STAT5B: variants seen among roughly 807,000 people sequenced by gnomAD.
STAT5B encodes signal transducer and activator of transcription 5B.
A neutral mutation model predicts 107.8 loss-of-function variants in STAT5B; 21 were observed. The observed-to-expected ratio is 0.19, with a 90% CI of 0.14 to 0.28. The LOEUF (loss-of-function observed/expected upper bound fraction) is 0.28, where lower values mean the gene tolerates loss of function less well. Among genes scored for constraint, STAT5B ranks in the 10% least tolerant of loss-of-function variants. The pLI is 1.00. For missense variants in STAT5B, 565 were observed against 1,008.2 expected, an observed-to-expected ratio of 0.56 and a Z score of 5.95; for synonymous variants, 325 against 401.7, an observed-to-expected ratio of 0.81 and a Z score of 2.28.
At chr17:42,251,870 G>C (rs551646647) in intron 1 of STAT5B, among the ~76,000 whole-genome samples, 1 of 151,658 alleles carries the variant, frequency 6.6e-6, no homozygotes, top group Admixed American at 6.6e-5. Context: ...GTGGTGATGC[G>C]TGCCTGTAAT....
intron 2 of STAT5B, among the ~76,000 whole-genome samples, chr17:42,229,173 G>A (rs758721306): frequency 2.0e-5 from 3 of 152,052 alleles, no homozygotes; most frequent in Non-Finnish European, 4.4e-5. Flanking sequence ...TCTTTGAGAC[G>A]AAGTCTCACT....
chr17:42,259,894 G>A (rs1011261653), intron 1 of STAT5B, among the ~76,000 whole-genome samples: 3 of 152,146 alleles, frequency 2.0e-5, no homozygotes, highest in Admixed American at 2.0e-4. Flanking sequence ...GGATACATGT[G>A]CAGGATGTGC....
At chr17:42,204,581 A>G (rs893003874) in intron 16 of STAT5B, among the ~76,000 whole-genome samples, 4 of 152,238 alleles carry the variant, frequency 2.6e-5, no homozygotes, top group African/African-American at 9.6e-5. Flanking sequence ...TAGATTGGCT[A>G]AGAAGTTAAA....
intron 1 of STAT5B, among the ~76,000 whole-genome samples, chr17:42,262,896 GTATA>G (rs571521187): frequency 8.9e-6 from 1 of 111,816 alleles, no homozygotes; most frequent in African/African-American, 3.5e-5. Context: ...ATATATGTGT[GTATA>G]TATATGTGTA....
At chr17:42,229,466 A>G (rs1348036061) in intron 2 of STAT5B, among the ~76,000 whole-genome samples, 1 of 151,986 alleles carries the variant, frequency 6.6e-6, no homozygotes, top group Admixed American at 6.6e-5. Context: ...CCACTCTTAA[A>G]AGGATCCAGT....
intron 2 of STAT5B, among the ~76,000 whole-genome samples, chr17:42,229,864 CA>C (rs879809112): frequency 9.8e-4 from 128 of 131,222 alleles, no homozygotes; most frequent in Non-Finnish European, 9.6e-4. Context: ...GACTCCATCT[CA>C]AAAAAAAAAA....
intron 13 of STAT5B, among the ~76,000 whole-genome samples, chr17:42,211,332 A>T (rs2080127345): frequency 6.6e-6 from 1 of 151,362 alleles, no homozygotes; most frequent in African/African-American, 2.4e-5. Context: ...ACATGGAGAA[A>T]CCCCGTCTCC....
At position 42,227,911 on chromosome 17, in the gene STAT5B, A is replaced by AT. The variant is rs567767490; in HGVS notation, c.129-227_129-226insA. ...TAGATTTCCTTCTTTTAAAAAAAAA[A>AT]ATTTTTAACAATGTGCTGCCCTTCT... On this transcript the variant is annotated intron_variant, in intron 2 of 18. Coordinates refer to ENST00000293328, the MANE Select transcript of STAT5B (RefSeq NM_012448.4). Among the ~76,000 whole-genome samples the AT allele has an allele frequency of 2.1e-3, 313 of 152,274 alleles. 2 individuals carry two copies. The highest frequency in any genetic ancestry group is 7.3e-3 in the African/African-American group (303 of 41,548).
intron 1 of STAT5B, among the ~76,000 whole-genome samples, chr17:42,255,739 G>A (rs1028599050): frequency 6.6e-6 from 1 of 152,242 alleles, no homozygotes; most frequent in Non-Finnish European, 1.5e-5. Flanking sequence ...AGATGGACCA[G>A]GTGCTGACGG....
At chr17:42,273,218 A>G (rs1420786034) in intron 1 of STAT5B, among the ~76,000 whole-genome samples, 1 of 152,062 alleles carries the variant, frequency 6.6e-6, no homozygotes, top group Non-Finnish European at 1.5e-5. Flanking sequence ...ACACTGCAGG[A>G]GAAAAAAAAA....
At chr17:42,227,100 A>C (rs1166805675) in intron 3 of STAT5B, among the ~76,000 whole-genome samples, 8 of 150,128 alleles carry the variant, frequency 5.3e-5, no homozygotes, top group Non-Finnish European at 8.9e-5. Flanking sequence ...GCTCCACTGC[A>C]CTCCAGCCTG....
intron 5 of STAT5B, among the ~76,000 whole-genome samples, chr17:42,222,739 T>C (rs996010276): frequency 1.3e-5 from 2 of 150,392 alleles, no homozygotes; most frequent in East Asian, 3.9e-4. Context: ...TGGAGTGCAA[T>C]GGTGAGATCT....
rs1164684025 is a variant in STAT5B, at chr17:42,201,272, A to G, written c.*466T>C. The G allele has an allele frequency of 2.1e-6, 1 of 476,426 alleles. No homozygotes were observed. Among genetic ancestry groups the G allele is most frequent in the Non-Finnish European group, 3.7e-6 (1 of 271,596 alleles). 29.5% of individuals were successfully genotyped at this position (476,426 alleles called of 1,614,324 possible). ...CAGAGACAATCACGGTTATATATCA[A>G]TTGCTTGGCAGACAGAGTGACGAAG... is the stretch of plus-strand genomic sequence containing the variant. On this transcript the variant is annotated 3_prime_UTR_variant, in exon 19 of 19. Coordinates refer to ENST00000293328, the MANE Select transcript of STAT5B (RefSeq NM_012448.4).
In STAT5B at chr17:42,202,665, A is replaced by T. The variant is rs545119307; in HGVS notation, c.2129+92T>A. ...AGGGCTGAGACAGTTTCCCCGGGGGAGCGGAAAGCTGGGCCAGGATAAGGA... is the reference window on the plus strand; with the variant it reads ...AGGGCTGAGACAGTTTCCCCGGGGGTGCGGAAAGCTGGGCCAGGATAAGGA... On this transcript the variant is annotated intron_variant, in intron 17 of 18. Transcript: ENST00000293328. 7.5e-6 allele frequency: 12 copies of T among 1,599,644 alleles called. No homozygotes were observed. The African/African-American group carries it at 1.6e-4, about 21-fold the overall frequency.
chr17:42,221,278 G>GTGTTTCTGCTGA, intron 5 of STAT5B, among the ~76,000 whole-genome samples: 2 of 151,404 alleles, frequency 1.3e-5, no homozygotes, highest in African/African-American at 4.9e-5. Context: ...CAGGGAGGGT[G>GTGTTTCTGCTGA]GTGGTGATCC....
chr17:42,221,853 G>A (rs984460218), intron 5 of STAT5B, among the ~76,000 whole-genome samples: 1 of 152,026 alleles, frequency 6.6e-6, no homozygotes, highest in Non-Finnish European at 1.5e-5. Context: ...TATCACTATA[G>A]ACATAAAATG....
At chr17:42,267,354 T>C (rs2080682098) in intron 1 of STAT5B, among the ~76,000 whole-genome samples, 1 of 152,156 alleles carries the variant, frequency 6.6e-6, no homozygotes, top group South Asian at 2.1e-4. Context: ...TCACAAGAGA[T>C]GACAGCTCCA....
chr17:42,264,607 T>C (rs2144408308), intron 1 of STAT5B, among the ~76,000 whole-genome samples: 1 of 152,274 alleles, frequency 6.6e-6, no homozygotes, highest in Non-Finnish European at 1.5e-5. Context: ...CAGTCTATCG[T>C]TGTTGGACAT....
At chr17:42,223,067 A>G (rs1012904245) in intron 5 of STAT5B, among the ~76,000 whole-genome samples, 32 of 152,300 alleles carry the variant, frequency 2.1e-4, no homozygotes, top group Admixed American at 2.0e-3. Context: ...TACTATATAC[A>G]AAAGTATTGT....
Sources: gnomAD v4.1 joint callset for allele counts (sites outside exome capture counted in the v4.1 genomes callset) on GRCh38, gnomAD v4.1.1 for gene constraint, MANE v1.5 for transcripts, NCBI Gene and HGNC (gene_info 2026-07-23, HGNC 2026-07-21) for gene names.